Variants in PLCL1 observed in about 807,000 individuals in gnomAD.
The protein encoded by PLCL1 is phospholipase C like 1 (inactive), also known as inactive phospholipase C-like protein 1.
In PLCL1, 41 loss-of-function variants were observed where a neutral mutation model predicts 84.4. The ratio of observed to expected loss-of-function variants is 0.49; its 90% CI spans 0.38 to 0.63. The LOEUF (loss-of-function observed/expected upper bound fraction) is 0.63. Among genes scored for constraint, PLCL1 ranks in the 30% least tolerant of loss-of-function variants. PLCL1 has a pLI of 0.00. For missense variants in PLCL1, 1,206 were observed against 1,367.8 expected (o/e 0.88, Z 1.87); for synonymous variants, 490 against 488.3 (o/e 1.00, Z -0.05).
chr2:198,095,220 G>A lies in PLCL1; in HGVS notation c.2920-6065G>A, dbSNP rs924178705. 2.6e-5 allele frequency among the ~76,000 whole-genome samples: 4 copies of A among 152,120 alleles called. 1 individual carries two copies. Among genetic ancestry groups the A allele is most frequent in the South Asian group, 4.2e-4 (2 of 4,816 alleles). On this transcript the variant is annotated intron_variant, in intron 3 of 5. Transcript: ENST00000428675. ...GTGACTCTTCCATTTATTTTACTGC[G>A]ATTCTTCTTCTTTTTTGGCTCAGGT...
At chr2:198,129,198 C>T (rs1405148106) in intron 5 of PLCL1, among the ~76,000 whole-genome samples, 1 of 152,148 alleles carries the variant, frequency 6.6e-6, no homozygotes, top group African/African-American at 2.4e-5. Context: ...AGCCCCTTCC[C>T]TTTCCAGGTC....
chr2:197,918,971 T>TCTCTCA (rs373512508), intron 1 of PLCL1, among the ~76,000 whole-genome samples: 2,551 of 144,616 alleles, frequency 0.018, 45 homozygotes, highest in South Asian at 0.026. Flanking sequence ...TCTCTCTCCC[T>TCTCTCA]CACACACACA....
chr2:198,088,081 C>T (rs555683148), intron 2 of PLCL1, among the ~76,000 whole-genome samples: 3 of 152,212 alleles, frequency 2.0e-5, no homozygotes, highest in African/African-American at 7.2e-5. Context: ...ATAGATTAGA[C>T]TTTACATATT....
intron 1 of PLCL1, among the ~76,000 whole-genome samples, chr2:197,999,600 A>C (rs1222614281): frequency 6.6e-6 from 1 of 152,174 alleles, no homozygotes; most frequent in Non-Finnish European, 1.5e-5. Flanking sequence ...TGATTTCATG[A>C]TTTCAATTCT....
chr2:198,004,632 A>G (rs762622504), intron 1 of PLCL1, among the ~76,000 whole-genome samples: 1 of 152,242 alleles, frequency 6.6e-6, no homozygotes, highest in Non-Finnish European at 1.5e-5. Context: ...ATATTTAAAT[A>G]ATAAATCTAA....
chr2:198,107,239 T>C (rs1337625733), intron 5 of PLCL1, among the ~76,000 whole-genome samples: 1 of 151,888 alleles, frequency 6.6e-6, no homozygotes. Context: ...CTCACTATTA[T>C]GAAAACAGCA....
intron 1 of PLCL1, among the ~76,000 whole-genome samples, chr2:197,922,017 T>A (rs1404913909): frequency 3.7e-4 from 51 of 139,302 alleles, no homozygotes; most frequent in Non-Finnish European, 6.3e-4. Context: ...TTTTTTTTTT[T>A]AAATTTATTT....
intron 1 of PLCL1, among the ~76,000 whole-genome samples, chr2:198,012,194 A>T (rs1196949984): frequency 6.6e-6 from 1 of 152,128 alleles, no homozygotes; most frequent in Non-Finnish European, 1.5e-5. Flanking sequence ...TTTGCAGTGC[A>T]GGTGAAGAAC....
intron 1 of PLCL1, among the ~76,000 whole-genome samples, chr2:198,029,614 C>T (rs1442862508): frequency 6.6e-6 from 1 of 152,132 alleles, no homozygotes; most frequent in African/African-American, 2.4e-5. Flanking sequence ...ACTTAAGAGC[C>T]TTCTGCAGTC....
At chr2:197,931,576 G>C (rs1287774938) in intron 1 of PLCL1, among the ~76,000 whole-genome samples, 1 of 150,448 alleles carries the variant, frequency 6.6e-6, no homozygotes, top group Admixed American at 6.7e-5. Context: ...TTCCTGTTTG[G>C]AGATGGCCTT....
intron 1 of PLCL1, among the ~76,000 whole-genome samples, chr2:198,047,096 T>C (rs903663316): frequency 2.0e-5 from 3 of 152,012 alleles, no homozygotes; most frequent in African/African-American, 7.3e-5. Context: ...TTTCTAGAAA[T>C]TGTGGGGTCA....
At chr2:198,082,304 C>T (rs1041500590) in intron 1 of PLCL1, among the ~76,000 whole-genome samples, 3 of 152,016 alleles carry the variant, frequency 2.0e-5, no homozygotes, top group Non-Finnish European at 4.4e-5. Flanking sequence ...AACTCAAGAA[C>T]ATGGTGGCAC....
intron 1 of PLCL1, among the ~76,000 whole-genome samples, chr2:198,036,302 A>G (rs1054266836): frequency 2.0e-5 from 3 of 152,172 alleles, no homozygotes; most frequent in African/African-American, 7.2e-5. Flanking sequence ...CTTTTCCACT[A>G]CTGAAGTAAT....
chr2:197,918,483 T>C (rs1341617646), intron 1 of PLCL1, among the ~76,000 whole-genome samples: 1 of 152,130 alleles, frequency 6.6e-6, no homozygotes, highest in Non-Finnish European at 1.5e-5. Flanking sequence ...TACCATAATA[T>C]GTAAGATATA....
intron 1 of PLCL1, among the ~76,000 whole-genome samples, chr2:197,916,323 A>G (rs1033645994): frequency 1.3e-5 from 2 of 152,096 alleles, no homozygotes; most frequent in African/African-American, 4.8e-5. Context: ...TGGATATTCC[A>G]TACTGGTTAA....
chr2:198,093,149 T>C (rs528240881), intron 3 of PLCL1, among the ~76,000 whole-genome samples: 1 of 152,276 alleles, frequency 6.6e-6, no homozygotes, highest in African/African-American at 2.4e-5. Flanking sequence ...CAGGGAGGGA[T>C]GAACTGGTGG....
intron 1 of PLCL1, among the ~76,000 whole-genome samples, chr2:198,039,827 GAT>G (rs1691619315): frequency 6.6e-6 from 1 of 152,212 alleles, no homozygotes; most frequent in Non-Finnish European, 1.5e-5. Flanking sequence ...AGCTAGATGA[GAT>G]AGTTCTCTGC....
intron 1 of PLCL1, among the ~76,000 whole-genome samples, chr2:197,883,588 A>C (rs556351817): frequency 1.3e-5 from 2 of 152,302 alleles, no homozygotes; most frequent in African/African-American, 4.8e-5. Flanking sequence ...TACTTGCCAA[A>C]GGAGTATGAC....
intron 1 of PLCL1, among the ~76,000 whole-genome samples, chr2:198,036,538 T>G (rs1272709405): frequency 1.3e-5 from 2 of 152,160 alleles, no homozygotes; most frequent in South Asian, 2.1e-4. Flanking sequence ...TGGGGGCAAA[T>G]GAGACTTTTG....
Sources: allele counts gnomAD v4.1 joint callset (sites outside exome capture counted in the v4.1 genomes callset), GRCh38; gene constraint gnomAD v4.1.1; transcripts MANE v1.5; gene names NCBI Gene and HGNC (gene_info 2026-07-23, HGNC 2026-07-21).